The following SCARF2 variants were observed in gnomAD, a reference collection of about 807,000 sequenced individuals.
SCARF2 encodes scavenger receptor expressed by endothelial cells 2 protein.
A neutral mutation model predicts 73.4 loss-of-function variants in SCARF2; 39 were observed. That is an observed-to-expected ratio of 0.53 (90% CI 0.41 to 0.69). The LOEUF (loss-of-function observed/expected upper bound fraction) is 0.69, where lower values mean the gene tolerates loss of function less well. Among genes scored for constraint, SCARF2 ranks in the 30% least tolerant of loss-of-function variants. SCARF2 has a pLI of 0.00. For missense variants in SCARF2, 1,148 were observed against 1,303.5 expected, an observed-to-expected ratio of 0.88 and a Z score of 1.84; for synonymous variants, 605 against 590.0, an observed-to-expected ratio of 1.03 and a Z score of -0.37.
Position 20,425,038 on chromosome 22 carries a change from A to G in SCARF2, c.*337T>C, listed in dbSNP as rs1232179011. Reference sequence around the variant, plus strand: ...TGAGAAGGTAGCCCTAACCAAGTCCACTCCTGGCCAGTAAGAGGCGGTCTT... The same window carrying G: ...TGAGAAGGTAGCCCTAACCAAGTCCGCTCCTGGCCAGTAAGAGGCGGTCTT... On this transcript the variant is annotated 3_prime_UTR_variant, in exon 11 of 11. Transcript: ENST00000622235. The surrounding 1 kb of genome is among the most constrained non-coding windows in gnomAD (Gnocchi z 4.6). 3.6e-6 allele frequency: 1 copy of G among 275,704 alleles called. No homozygotes were observed. Among genetic ancestry groups the G allele is most frequent in the African/African-American group, 2.2e-5 (1 of 45,570 alleles). The allele number at this position is 275,704 out of a possible 1,614,324, so 17.1% of individuals were successfully genotyped here. A position where few individuals can be genotyped will look rare whatever the true frequency, so the allele number is the denominator to read the frequency against.
rs1407008750 is a variant in SCARF2, at chr22:20,429,321, T to C, written c.1444A>G (p.Lys482Glu). ...CCGCATAGTCGGTGCGGCGCCTTCT[T>C]CCTCCCAAGCGAAAGCTCCCTGCGG... ...PTRRELSLGR[K>E]KAPHRLCGRF... The change falls in exon 9 of 11, where the codon AAG (lysine) becomes GAG (glutamate). Residue 482 changes from lysine to glutamate, a missense_variant. Lys to Glu is a moderately conservative substitution (Grantham distance 56). Around this residue, in one of 5 missense-constraint regions of SCARF2, gnomAD observed 437 missense variants for 433.6 expected, o/e 1.01. Transcript: ENST00000622235. This position sits in a 1 kb window ranked among gnomAD's most constrained non-coding sequence, Gnocchi z 5.2. 6.6e-7 allele frequency: 1 copy of C among 1,510,982 alleles called. No individual in the cohort carries two copies. Among genetic ancestry groups the C allele is most frequent in the Non-Finnish European group, 8.9e-7 (1 of 1,121,494 alleles). The allele number at this position is 1,510,982 out of a possible 1,614,324, so 93.6% of individuals were successfully genotyped here. A position where few individuals can be genotyped will look rare whatever the true frequency, so the allele number is the denominator to read the frequency against.
Position 20,427,510 on chromosome 22 carries a change from G to A in SCARF2, c.1581C>T (p.Phe527=). ...HDLDNTLNCS[F]LEPPSGLEQP... is the part of the protein sequence containing the mutation. ...GCTCCAGCCCTGAGGGTGGCTCCAGGAAGCTGCAGTTGAGTGTGTTATCCA... is the reference window on the plus strand; with the variant it reads ...GCTCCAGCCCTGAGGGTGGCTCCAGAAAGCTGCAGTTGAGTGTGTTATCCA... The change falls in exon 10 of 11, where the codon TTC becomes TTT. Residue 527 remains phenylalanine (F), a synonymous_variant. Transcript: ENST00000622235. 6.2e-7 allele frequency: 1 copy of A among 1,613,960 alleles called. No individual in the cohort carries two copies. Among genetic ancestry groups the A allele is most frequent in the Non-Finnish European group, 8.5e-7 (1 of 1,180,020 alleles).
Position 20,425,271 on chromosome 22 carries a change from G to T in SCARF2, c.*104C>A. 3 of 1,007,610 alleles carry T rather than the reference G, an allele frequency of 3.0e-6. No individual in the cohort carries two copies. Among genetic ancestry groups the T allele is most frequent in the African/African-American group, 1.7e-5 (1 of 59,328 alleles). 62.4% of individuals were successfully genotyped at this position (1,007,610 alleles called of 1,614,324 possible). A position where few individuals can be genotyped will look rare whatever the true frequency, so the allele number is the denominator to read the frequency against. ...ACGCAACCTCCGCTAGCCGCGCGGT[G>T]CCCGGCCAATAGGAGGCCGCCCGTG... On this transcript the variant is annotated 3_prime_UTR_variant, in exon 11 of 11. Transcript: ENST00000622235. The surrounding 1 kb of genome is among the most constrained non-coding windows in gnomAD (Gnocchi z 4.6).
Position 20,425,495 on chromosome 22 carries a change from C to A in SCARF2, c.2481G>T (p.Ala827=). The A allele has an allele frequency of 7.3e-7, 1 of 1,364,156 alleles. No individual in the cohort carries two copies. Among genetic ancestry groups the A allele is most frequent in the South Asian group, 1.8e-5 (1 of 56,202 alleles). The allele number at this position is 1,364,156 out of a possible 1,614,324, so 84.5% of individuals were successfully genotyped here. The change falls in exon 11 of 11, where the codon GCG becomes GCT. Residue 827 remains alanine (A), a synonymous_variant. Coordinates refer to ENST00000622235, the MANE Select transcript of SCARF2 (RefSeq NM_182895.5). The surrounding 1 kb of genome is among the most constrained non-coding windows in gnomAD (Gnocchi z 4.6). ...PATETPGPEK[A]ATDLPAPETP... Reference sequence around the variant, plus strand: ...TCTCAGGCGCGGGCAAGTCGGTCGCCGCCTTCTCAGGCCCCGGGGTTTCGG... The same window carrying A: ...TCTCAGGCGCGGGCAAGTCGGTCGCAGCCTTCTCAGGCCCCGGGGTTTCGG...
Position 20,431,171 on chromosome 22 carries a change from C to T in SCARF2, c.701G>A (p.Arg234His). 1 of 1,566,152 alleles carries T rather than the reference C, an allele frequency of 6.4e-7. No homozygotes were observed. Among genetic ancestry groups the T allele is most frequent in the Non-Finnish European group, 8.6e-7 (1 of 1,164,732 alleles). The change falls in exon 4 of 11, where the codon CGT (arginine) becomes CAT (histidine). Residue 234 changes from arginine (R) to histidine (H), a missense_variant. Physicochemically the swap from Arg to His is conservative, Grantham distance 29. This residue lies in a region of SCARF2 where 372 missense variants were observed against 532.0 expected (regional missense o/e 0.70). Transcript: ENST00000622235. The stretch of plus-strand genomic sequence containing the variant: ...GCGATCGCAGCGCGCGCCGAACGTA[C>T]GCTCGCGGCACTGACAGCGGCCGCT... ...QQSGRCQCRE[R>H]TFGARCDRYC...
rs754607933 is a variant in SCARF2 at position 20,431,488 on chromosome 22, G to A, written c.384C>T (p.Cys128=). The A allele has an allele frequency of 2.5e-6, 4 of 1,575,046 alleles. No homozygotes were observed. The Admixed American group carries it at 5.2e-5, about 21-fold the overall frequency. ...WGPDCKELCS[C]HPHGQCEDVT... The stretch of plus-strand genomic sequence containing the variant: ...CGTCCTCGCACTGCCCGTGTGGGTG[G>A]CAGCTACACAGCTCCTTGCAGTCGG... The change falls in exon 4 of 11, where the codon TGC becomes TGT. Residue 128 remains cysteine, a synonymous_variant. Coordinates refer to ENST00000622235, the MANE Select transcript of SCARF2 (RefSeq NM_182895.5).
chr22:20,425,321 T>G lies in SCARF2; in HGVS notation c.*54A>C. ...GCCCGGTAGCGTGGGAGGTGTGGGG[T>G]GGCGGGCGGCGCTGCGAAGCTGAGG... On this transcript the variant is annotated 3_prime_UTR_variant, in exon 11 of 11. Coordinates refer to ENST00000622235, the MANE Select transcript of SCARF2 (RefSeq NM_182895.5). This position sits in a 1 kb window ranked among gnomAD's most constrained non-coding sequence, Gnocchi z 4.6. The G allele has an allele frequency of 7.7e-7, 1 of 1,302,370 alleles. No individual in the cohort carries two copies. Among genetic ancestry groups the G allele is most frequent in the Non-Finnish European group, 9.9e-7 (1 of 1,014,988 alleles). 80.7% of individuals were successfully genotyped at this position (1,302,370 alleles called of 1,614,324 possible).
chr22:20,429,190 T>C lies in SCARF2; in HGVS notation c.1540+35A>G, dbSNP rs778878558. ...CCCAGCAGCTTCCTGCGTCGAGAGG[T>C]GTTTCTCCCAGATACCCCGCGCTGT... is the stretch of plus-strand genomic sequence containing the variant. On this transcript the variant is annotated intron_variant, in intron 9 of 10. Transcript: ENST00000622235. This position sits in a 1 kb window ranked among gnomAD's most constrained non-coding sequence, Gnocchi z 5.2. The C allele has an allele frequency of 7.4e-6, 12 of 1,613,382 alleles. No homozygotes were observed. The highest frequency in any genetic ancestry group is 3.3e-5 in the South Asian group (3 of 91,026).
At chr22:20,427,298 C>A in intron 10 of SCARF2, 100 bp downstream of exon 10, 1 of 1,452,478 alleles carries the variant, frequency 6.9e-7, no homozygotes, top group Non-Finnish European at 9.5e-7. Context: ...GCCTTCCTCT[C>A]CATGCTGCCT....
At chr22:20,435,123 T>A (rs1343649623) in intron 1 of SCARF2, among the ~76,000 whole-genome samples, 1 of 152,128 alleles carries the variant, frequency 6.6e-6, no homozygotes, top group Non-Finnish European at 1.5e-5. Flanking sequence ...AGCCCAAACC[T>A]GAACTCTTGA....
rs936925084 is a variant in SCARF2, at chr22:20,430,782, G to A, written c.981C>T (p.Cys327=). The A allele has an allele frequency of 6.2e-7, 1 of 1,605,410 alleles. No individual in the cohort carries two copies. Residue 327 remains cysteine (C), a synonymous_variant, in exon 5 of 11, where the codon TGC becomes TGT. Transcript: ENST00000622235. ...CGCGGCATGGCGGACAGCGGTGGCT[G>A]CAGCCCTCGCCATAGAAACCGGTGG... ...PCATGFYGEG[C]SHRCPPCRDG...
chr22:20,437,767 A>G lies in SCARF2; in HGVS notation c.-13T>C. The G allele has an allele frequency of 1.0e-6, 1 of 985,862 alleles. No homozygotes were observed. Among genetic ancestry groups the G allele is most frequent in the Non-Finnish European group, 1.2e-6 (1 of 828,880 alleles). The allele number at this position is 985,862 out of a possible 1,614,324, so 61.1% of individuals were successfully genotyped here. On this transcript the variant is annotated 5_prime_UTR_variant, in exon 1 of 11. Transcript: ENST00000622235. ...CTGCGCCCTCCATGAGGCGCGGGGC[A>G]GGCGCGGGGCGGGCACGGGCGCGGG...
intron 1 of SCARF2, among the ~76,000 whole-genome samples, 159 bp from the exon 2 acceptor site, chr22:20,432,147 G>A (rs1294494902): frequency 6.6e-6 from 1 of 152,158 alleles, no homozygotes; most frequent in East Asian, 1.9e-4. Flanking sequence ...TCGTCTGGCG[G>A]TGGAGGATTG....
intron 1 of SCARF2, among the ~76,000 whole-genome samples, chr22:20,433,255 A>G (rs1006104598): frequency 2.6e-5 from 4 of 152,174 alleles, no homozygotes; most frequent in African/African-American, 9.7e-5. Flanking sequence ...AAGAGCCACC[A>G]AGGCTGCGGG....
Position 20,429,204 on chromosome 22 carries a change from A to G in SCARF2, c.1540+21T>C, listed in dbSNP as rs1409446619. 3.7e-6 allele frequency: 6 copies of G among 1,613,636 alleles called. No individual in the cohort carries two copies. The African/African-American group carries it at 4.0e-5, about 11-fold the overall frequency. ...GCGTCGAGAGGTGTTTCTCCCAGAT[A>G]CCCCGCGCTGTCATCCTTACCTACG... On this transcript the variant is annotated intron_variant, in intron 9 of 10. Transcript: ENST00000622235. The surrounding 1 kb of genome is among the most constrained non-coding windows in gnomAD (Gnocchi z 5.2).
intron 1 of SCARF2, among the ~76,000 whole-genome samples, chr22:20,437,137 TC>T (rs2052709214): frequency 6.6e-6 from 1 of 151,980 alleles, no homozygotes; most frequent in Admixed American, 6.5e-5. Context: ...CTCCAGGACC[TC>T]CCCGGCTAGC....
Position 20,429,878 on chromosome 22 carries a change from G to A in SCARF2, c.1203-45C>T, listed in dbSNP as rs192648413. Reference sequence around the variant, plus strand: ...AGGCATGCCACAGCCGCCCCCCTAGGATGCCCCCTACCCTCACCCCTCACC... The same window carrying A: ...AGGCATGCCACAGCCGCCCCCCTAGAATGCCCCCTACCCTCACCCCTCACC... On this transcript the variant is annotated intron_variant, in intron 6 of 10. Transcript: ENST00000622235. The surrounding 1 kb of genome is among the most constrained non-coding windows in gnomAD (Gnocchi z 5.2). 1.3e-6 allele frequency: 2 copies of A among 1,586,890 alleles called. No individual in the cohort carries two copies. The highest frequency in any genetic ancestry group is 4.6e-5 in the East Asian group (2 of 43,914).
chr22:20,429,632 A>G lies in SCARF2; in HGVS notation c.1328T>C (p.Val443Ala). Residue 443 changes from valine to alanine, a missense_variant, in exon 8 of 11, where the codon GTG (valine) becomes GCG (alanine). Coordinates refer to ENST00000622235, the MANE Select transcript of SCARF2 (RefSeq NM_182895.5). The surrounding 1 kb of genome is among the most constrained non-coding windows in gnomAD (Gnocchi z 5.2). ...CHLETNQRKGVMGAGALLVLL... is the reference protein window; with the variant it reads ...CHLETNQRKGAMGAGALLVLL... Reference sequence around the variant, plus strand: ...GACGAGCAGCGCGCCCGCGCCCATCACGCCCTTGCGCTGGTTGGTTTCTGT... The same window carrying G: ...GACGAGCAGCGCGCCCGCGCCCATCGCGCCCTTGCGCTGGTTGGTTTCTGT... The G allele has an allele frequency of 6.2e-7, 1 of 1,613,800 alleles. No homozygotes were observed.
At chr22:20,427,048 CT>C (rs1212045617) in intron 10 of SCARF2, among the ~76,000 whole-genome samples, 3 of 152,216 alleles carry the variant, frequency 2.0e-5, no homozygotes, top group Non-Finnish European at 4.4e-5. Context: ...CTCCTTTCTG[CT>C]ATCTGTGGAT....
Sources: gnomAD v4.1 joint callset for allele counts (sites outside exome capture counted in the v4.1 genomes callset) on GRCh38, gnomAD v4.1.1 for gene constraint, gnomAD v4.1.1 regional missense constraint, Gnocchi (gnomAD v3.1) non-coding constraint, MANE v1.5 for transcripts, NCBI Gene and HGNC (gene_info 2026-07-23, HGNC 2026-07-21) for gene names.